Variants in MYOC observed in about 807,000 individuals in gnomAD.
The protein encoded by MYOC is juvenile-onset open-angle glaucoma 1.
MYOC carries 29 observed loss-of-function variants against 28.2 expected under a neutral mutation model. The ratio of observed to expected loss-of-function variants is 1.03; its 90% CI spans 0.77 to 1.40. The LOEUF (loss-of-function observed/expected upper bound fraction) is 1.40. Among genes scored for constraint, MYOC ranks in the 40% most tolerant of loss-of-function variants. The pLI, the probability that MYOC is intolerant of heterozygous loss-of-function variation, is 0.00. For missense variants in MYOC, 569 were observed against 620.6 expected (o/e 0.92, Z 0.88); for synonymous variants, 240 against 245.6 (o/e 0.98, Z 0.21).
chr1:171,651,186 C>G (rs1653341767), intron 1 of MYOC, among the ~76,000 whole-genome samples: 1 of 152,124 alleles, frequency 6.6e-6, no homozygotes, highest in Non-Finnish European at 1.5e-5. Flanking sequence ...TTGACCAGTC[C>G]AAACTAATTG....
chr1:171,646,507 T>G lies in MYOC; in HGVS notation c.604+5501A>C, dbSNP rs567473212. On this transcript the variant is annotated intron_variant, in intron 1 of 2. Transcript: ENST00000037502. ...TTTTAAGGTTTTTTTTTTTGTTTTT[T>G]TTTTTTTGAGACAGGGTCTCGCTCT... is the stretch of plus-strand genomic sequence containing the variant. Among the ~76,000 whole-genome samples, 426 of 149,900 alleles carry G rather than the reference T, an allele frequency of 2.8e-3. 2 individuals are homozygous for G. The highest frequency in any genetic ancestry group is 0.01 in the African/African-American group (402 of 40,110).
chr1:171,640,292 C>G, intron 1 of MYOC, among the ~76,000 whole-genome samples: 1 of 151,866 alleles, frequency 6.6e-6, no homozygotes, highest in East Asian at 1.9e-4. Context: ...GTGAGCCATA[C>G]AGAAGGGAAG....
intron 1 of MYOC, among the ~76,000 whole-genome samples, chr1:171,647,851 C>G (rs1572215396): frequency 1.3e-5 from 2 of 152,226 alleles, no homozygotes; most frequent in South Asian, 4.1e-4. Context: ...CCTCAGCCAC[C>G]GTGGCCCAGC....
At chr1:171,639,045 G>C (rs919784217) in intron 1 of MYOC, among the ~76,000 whole-genome samples, 4 of 115,952 alleles carry the variant, frequency 3.4e-5, no homozygotes, top group African/African-American at 1.3e-4. Flanking sequence ...GCTGTGAGCC[G>C]AGACTACACT....
chr1:171,648,026 A>C (rs2102949426), intron 1 of MYOC, among the ~76,000 whole-genome samples: 1 of 151,886 alleles, frequency 6.6e-6, no homozygotes, highest in South Asian at 2.1e-4. Flanking sequence ...TGGAAAAAAA[A>C]AAAAATACAA....
chr1:171,638,758 G>T (rs2032556), intron 1 of MYOC, 36 bp from the exon 2 acceptor site: 1 of 1,611,554 alleles, frequency 6.2e-7, no homozygotes, highest in Admixed American at 1.7e-5. Flanking sequence ...TTTACTGTAA[G>T]AAAAAATGGC....
At chr1:171,639,943 C>CAAA (rs1246946718) in intron 1 of MYOC, among the ~76,000 whole-genome samples, 1 of 19,310 alleles carries the variant, frequency 5.2e-5, no homozygotes, top group East Asian at 2.1e-3. Flanking sequence ...GACTCTGTCT[C>CAAA]AAGAAAAAAA....
chr1:171,651,850 T>A (rs969785471), intron 1 of MYOC, among the ~76,000 whole-genome samples, 158 bp downstream of exon 1: 4 of 152,196 alleles, frequency 2.6e-5, no homozygotes, highest in Non-Finnish European at 2.9e-5. Context: ...TAGTAATACT[T>A]GAAGGTGATC....
intron 1 of MYOC, among the ~76,000 whole-genome samples, chr1:171,642,802 G>A (rs235871): frequency 0.58 from 87,222 of 149,766 alleles, 25,587 homozygotes; most frequent in East Asian, 0.75. Context: ...CATCATTGGA[G>A]CACCTATTGA....
intron 1 of MYOC, among the ~76,000 whole-genome samples, chr1:171,640,329 A>T (rs1241150289): frequency 1.3e-5 from 2 of 152,146 alleles, no homozygotes; most frequent in African/African-American, 4.8e-5. Flanking sequence ...GTTAGACAGT[A>T]AGTGATCATG....
chr1:171,637,652 G>A (rs1456546163), intron 2 of MYOC, among the ~76,000 whole-genome samples: 6 of 150,750 alleles, frequency 4.0e-5, no homozygotes, highest in African/African-American at 9.8e-5. Flanking sequence ...TCACTCTGTC[G>A]CCCAGGCTGG....
intron 1 of MYOC, among the ~76,000 whole-genome samples, chr1:171,647,751 C>T (rs1455763698): frequency 6.6e-6 from 1 of 152,134 alleles, no homozygotes; most frequent in Non-Finnish European, 1.5e-5. Flanking sequence ...TCAGGTTTCT[C>T]CCCTCACCCT....
At chr1:171,643,968 CAAAAAAA>C (rs145167337) in intron 1 of MYOC, among the ~76,000 whole-genome samples, 3 of 89,454 alleles carry the variant, frequency 3.4e-5, no homozygotes, top group Non-Finnish European at 2.1e-5. Flanking sequence ...GACTCTGTCT[CAAAAAAA>C]AAAAAAAAAA....
In MYOC at chr1:171,636,413, T is replaced by A; in HGVS notation, c.1027A>T (p.Thr343Ser). 1.2e-6 allele frequency: 2 copies of A among 1,614,148 alleles called. No individual in the cohort carries two copies. The highest frequency in any genetic ancestry group is 1.7e-6 in the Non-Finnish European group (2 of 1,180,010). Residue 343 changes from threonine (T) to serine (S), a missense_variant, in exon 3 of 3, where the codon ACT becomes TCT. Coordinates refer to ENST00000037502, the MANE Select transcript of MYOC (RefSeq NM_000261.2). ...SLYFQGAESR[T>S]VIRYELNTET... is the part of the protein sequence containing the mutation. ...GTATTCAGCTCATATCTTATGACAGTTCTGGACTCAGCGCCCTGGAAATAG... is the reference window on the plus strand; with the variant it reads ...GTATTCAGCTCATATCTTATGACAGATCTGGACTCAGCGCCCTGGAAATAG...
At chr1:171,645,119 C>T (rs1313174584) in intron 1 of MYOC, among the ~76,000 whole-genome samples, 1 of 152,126 alleles carries the variant, frequency 6.6e-6, no homozygotes, top group Admixed American at 6.5e-5. Context: ...GGAGGGACAT[C>T]GTGGGAGGAA....
In MYOC at chr1:171,636,197, G is replaced by T; in HGVS notation, c.1243C>A (p.Gln415Lys). Reference protein sequence around the residue: ...KLNPENLELEQTWETNIRKQS... With the variant: ...KLNPENLELEKTWETNIRKQS... ...TTACGGATGTTTGTCTCCCAGGTTT[G>T]TTCGAGTTCCAGATTCTCTGGGTTC... The change falls in exon 3 of 3, where the codon CAA becomes AAA. Residue 415 changes from glutamine to lysine, a missense_variant. Gln to Lys is a moderately conservative substitution (Grantham distance 53). Transcript: ENST00000037502. 1 of 1,614,148 alleles carries T rather than the reference G, an allele frequency of 6.2e-7. No homozygotes were observed.
intron 1 of MYOC, among the ~76,000 whole-genome samples, chr1:171,651,343 A>ACC (rs147492940): frequency 9.7e-5 from 6 of 62,054 alleles, no homozygotes; most frequent in Admixed American, 6.6e-4. Flanking sequence ...TCACCCCCGC[A>ACC]CCCCCCCCAC....
intron 2 of MYOC, among the ~76,000 whole-genome samples, chr1:171,637,616 ATTT>A (rs1242075694): frequency 7.0e-6 from 1 of 143,676 alleles, no homozygotes. Context: ...AGATGTCTGT[ATTT>A]TTTTTTTTTT....
rs1652900551 is a variant in MYOC, at chr1:171,635,672, G to C, written c.*253C>G. On this transcript the variant is annotated 3_prime_UTR_variant, in exon 3 of 3. Coordinates refer to ENST00000037502, the MANE Select transcript of MYOC (RefSeq NM_000261.2). The stretch of plus-strand genomic sequence containing the variant: ...TTTGCCCCAAATCACAAGAAAACTT[G>C]AACTATGTCATTAAACATCCCATAA... 1.6e-5 allele frequency: 9 copies of C among 553,180 alleles called. No individual in the cohort carries two copies. The South Asian group carries it at 1.9e-4, about 12-fold the overall frequency. The allele number at this position is 553,180 out of a possible 1,614,324, so 34.3% of individuals were successfully genotyped here.
Sources: allele counts gnomAD v4.1 joint callset (sites outside exome capture counted in the v4.1 genomes callset), GRCh38; gene constraint gnomAD v4.1.1; transcripts MANE v1.5; gene names NCBI Gene and HGNC (gene_info 2026-07-23, HGNC 2026-07-21).